Variants in KDM3B observed in about 807,000 individuals in gnomAD.
The protein encoded by KDM3B is lysine demethylase 3B.
A neutral mutation model predicts 170.0 loss-of-function variants in KDM3B; 10 were observed. That is an observed-to-expected ratio of 0.06 (90% CI 0.04 to 0.10). KDM3B has a LOEUF of 0.10. KDM3B is among the 10% of genes least tolerant of loss of function. The probability of loss-of-function intolerance (pLI) is 1.00; values close to 1 mark genes in which losing one functional copy is unlikely to be tolerated. For synonymous variants in KDM3B, 831 were observed against 834.8 expected, an observed-to-expected ratio of 1.00 and a Z score of 0.08; for missense variants, 1,394 against 2,195.2, an observed-to-expected ratio of 0.64 and a Z score of 7.29.
At position 138,391,432 on chromosome 5, in the gene KDM3B, C is replaced by T. The variant is rs142181450; in HGVS notation, c.1800C>T (p.Thr600=). The T allele has an allele frequency of 5.3e-5, 86 of 1,613,774 alleles. No homozygotes were observed. The highest frequency in any genetic ancestry group is 6.9e-5 in the Non-Finnish European group (82 of 1,179,912). The change falls in exon 8 of 24, where the codon ACC becomes ACT. Residue 600 remains threonine (T), a synonymous_variant. Coordinates refer to ENST00000314358, the MANE Select transcript of KDM3B (RefSeq NM_016604.4). The surrounding 1 kb of genome is among the most constrained non-coding windows in gnomAD (Gnocchi z 5.0). The part of the protein sequence containing the change: ...DRKVPAESMP[T]LTPAFPRSLL... Reference sequence around the variant, plus strand: ...AAGTGCCTGCAGAGTCCATGCCCACCCTCACTCCAGCCTTCCCACGGAGCC... The same window carrying T: ...AAGTGCCTGCAGAGTCCATGCCCACTCTCACTCCAGCCTTCCCACGGAGCC...
intron 15 of KDM3B, among the ~76,000 whole-genome samples, chr5:138,421,795 G>A (rs943564941): frequency 2.6e-5 from 4 of 152,032 alleles, no homozygotes; most frequent in Non-Finnish European, 5.9e-5. Flanking sequence ...TTTTTCTCTC[G>A]TAAGATGAGC....
At chr5:138,365,115 G>C (rs1399355822) in intron 1 of KDM3B, among the ~76,000 whole-genome samples, 1 of 152,052 alleles carries the variant, frequency 6.6e-6, no homozygotes, top group African/African-American at 2.4e-5. Flanking sequence ...ATTTTGTTTG[G>C]AGTATAGGTA....
intron 17 of KDM3B, chr5:138,426,669 T>C (rs1763402497): frequency 3.8e-6 from 1 of 265,548 alleles, no homozygotes; most frequent in Non-Finnish European, 7.5e-6. Context: ...GGCAGGCAGA[T>C]CATCTGAGGT....
At chr5:138,357,002 A>G (rs537536940) in intron 1 of KDM3B, among the ~76,000 whole-genome samples, 1 of 150,468 alleles carries the variant, frequency 6.6e-6, no homozygotes, top group Non-Finnish European at 1.5e-5. Flanking sequence ...TTATGTTATC[A>G]GAATTATCGG....
At chr5:138,415,889 A>G (rs1002589750) in intron 12 of KDM3B, among the ~76,000 whole-genome samples, 1 of 152,168 alleles carries the variant, frequency 6.6e-6, no homozygotes, top group Non-Finnish European at 1.5e-5. Flanking sequence ...TGAAAAAGCC[A>G]GTGCCTAGGC....
In KDM3B at chr5:138,384,429, A is replaced by G. The variant is rs935011964; in HGVS notation, c.781-1593A>G. Among the ~76,000 whole-genome samples, 67 of 151,694 alleles carry G rather than the reference A, an allele frequency of 4.4e-4. 1 individual carries two copies. Among genetic ancestry groups the G allele is most frequent in the Non-Finnish European group, 1.5e-4 (10 of 67,924 alleles). On this transcript the variant is annotated intron_variant, in intron 6 of 23. Transcript: ENST00000314358. The stretch of plus-strand genomic sequence containing the variant: ...AGCCTGGCCAACATGGCGAAACCTC[A>G]TCTCTACTAAAAAAATACAAAAATT...
At position 138,435,135 on chromosome 5, in the gene KDM3B, C is replaced by T. The variant is rs180851680; in HGVS notation, c.5206-485C>T. ...ATCCAAATCAGAAAACATATAAGCA[C>T]GAAGGGAAAAAATAGGCCATAATCC... On this transcript the variant is annotated intron_variant, in intron 23 of 23. Coordinates refer to ENST00000314358, the MANE Select transcript of KDM3B (RefSeq NM_016604.4). Among the ~76,000 whole-genome samples the T allele has an allele frequency of 1.6e-3, 245 of 152,198 alleles. 4 individuals carry two copies. Among genetic ancestry groups the T allele is most frequent in the Admixed American group, 0.014 (218 of 15,282 alleles).
chr5:138,360,889 G>A (rs1761591260), intron 1 of KDM3B, among the ~76,000 whole-genome samples: 1 of 152,184 alleles, frequency 6.6e-6, no homozygotes, highest in South Asian at 2.1e-4. Context: ...ACCACGCCCG[G>A]CCATTAATTT....
intron 9 of KDM3B, among the ~76,000 whole-genome samples, chr5:138,395,883 G>T (rs575842914): frequency 2.0e-5 from 3 of 152,060 alleles, no homozygotes; most frequent in Admixed American, 6.6e-5. Flanking sequence ...CTCCCAAAGT[G>T]CAGGGCTTAT....
intron 6 of KDM3B, 142 bp downstream of exon 6, chr5:138,381,732 C>T: frequency 1.7e-6 from 1 of 580,870 alleles, no homozygotes; most frequent in Non-Finnish European, 3.1e-6. Flanking sequence ...GCTCTCTCCA[C>T]AGTCTGTCTA....
At chr5:138,360,389 T>C (rs565474857) in intron 1 of KDM3B, among the ~76,000 whole-genome samples, 2 of 152,260 alleles carry the variant, frequency 1.3e-5, no homozygotes, top group Admixed American at 6.5e-5. Context: ...ACTGTTTAAT[T>C]GTGAGCCCGT....
At chr5:138,361,022 C>G (rs1366827762) in intron 1 of KDM3B, among the ~76,000 whole-genome samples, 1 of 152,168 alleles carries the variant, frequency 6.6e-6, no homozygotes, top group African/African-American at 2.4e-5. Context: ...TTTAGTTCCC[C>G]TTCCACCAGC....
intron 22 of KDM3B, among the ~76,000 whole-genome samples, chr5:138,430,903 T>A (rs1763515343): frequency 6.6e-6 from 1 of 151,666 alleles, no homozygotes; most frequent in African/African-American, 2.4e-5. Context: ...AAAAAAAAAA[T>A]TTAAACAATG....
At chr5:138,383,106 T>C (rs1346943606) in intron 6 of KDM3B, among the ~76,000 whole-genome samples, 1 of 152,092 alleles carries the variant, frequency 6.6e-6, no homozygotes, top group African/African-American at 2.4e-5. Flanking sequence ...GCAAGTTGGC[T>C]GGATGACTTA....
chr5:138,401,844 G>A (rs1296995773), intron 11 of KDM3B, among the ~76,000 whole-genome samples: 4 of 152,040 alleles, frequency 2.6e-5, no homozygotes, highest in African/African-American at 7.2e-5. Context: ...TGATTGTGTC[G>A]TTTTGATTTG....
chr5:138,377,033 G>A (rs1365649887), intron 3 of KDM3B, among the ~76,000 whole-genome samples: 1 of 152,196 alleles, frequency 6.6e-6, no homozygotes, highest in Non-Finnish European at 1.5e-5. Context: ...TGTCTTCTGT[G>A]AGATGTTAAT....
chr5:138,400,587 T>C (rs1027818261), intron 11 of KDM3B, among the ~76,000 whole-genome samples: 14 of 151,866 alleles, frequency 9.2e-5, no homozygotes, highest in African/African-American at 3.4e-4. Context: ...CTCTACAAAA[T>C]AAAATAAAAT....
chr5:138,411,577 A>C (rs2126979107), intron 11 of KDM3B, among the ~76,000 whole-genome samples: 1 of 152,302 alleles, frequency 6.6e-6, no homozygotes, highest in South Asian at 2.1e-4. Context: ...AGGCCTAAAC[A>C]TAAAAGCTAA....
intron 9 of KDM3B, among the ~76,000 whole-genome samples, chr5:138,395,948 G>A (rs1762535412): frequency 6.6e-6 from 1 of 151,920 alleles, no homozygotes; most frequent in Non-Finnish European, 1.5e-5. Flanking sequence ...AAGTAAAAAT[G>A]TTGCTGACAG....
Sources: gnomAD v4.1 joint callset for allele counts (sites outside exome capture counted in the v4.1 genomes callset) on GRCh38, gnomAD v4.1.1 for gene constraint, Gnocchi (gnomAD v3.1) non-coding constraint, MANE v1.5 for transcripts, NCBI Gene and HGNC (gene_info 2026-07-23, HGNC 2026-07-21) for gene names.